The following DISC1 variants were observed in gnomAD, a reference collection of about 807,000 sequenced individuals.
DISC1 encodes the protein disrupted in schizophrenia 1 protein.
A neutral mutation model predicts 84.5 loss-of-function variants in DISC1; 57 were observed. The ratio of observed to expected loss-of-function variants is 0.67; its 90% CI spans 0.55 to 0.84. The LOEUF (loss-of-function observed/expected upper bound fraction) is 0.84, where lower values mean the gene tolerates loss of function less well. DISC1 is among the 40% of genes least tolerant of loss of function. The pLI is 0.00. For missense variants in DISC1, 1,000 were observed against 1,057.8 expected, an observed-to-expected ratio of 0.95 and a Z score of 0.76; for synonymous variants, 411 against 415.2, an observed-to-expected ratio of 0.99 and a Z score of 0.12.
intron 9 of DISC1, among the ~76,000 whole-genome samples, chr1:231,917,042 C>T (rs956575866): frequency 2.0e-5 from 3 of 152,232 alleles, no homozygotes; most frequent in East Asian, 1.9e-4. Context: ...CACCCTCTTT[C>T]GGGGTACGAC....
At chr1:231,732,937 T>C (rs1348767580) in intron 3 of DISC1, among the ~76,000 whole-genome samples, 1 of 151,982 alleles carries the variant, frequency 6.6e-6, no homozygotes, top group Non-Finnish European at 1.5e-5. Flanking sequence ...GTGGTAGTGG[T>C]GATGGTAGAA....
intron 11 of DISC1, among the ~76,000 whole-genome samples, chr1:232,012,327 A>G (rs962508613): frequency 1.3e-5 from 2 of 152,188 alleles, no homozygotes; most frequent in Admixed American, 6.5e-5. Flanking sequence ...AGTCAGAGAA[A>G]GGTTTAACGA....
chr1:231,942,008 A>G (rs899190896), intron 9 of DISC1, among the ~76,000 whole-genome samples: 1 of 151,984 alleles, frequency 6.6e-6, no homozygotes, highest in South Asian at 2.1e-4. Flanking sequence ...ATGGGGAAAG[A>G]GCTCCTGCAG....
chr1:231,684,654 T>A (rs952731268), intron 1 of DISC1: 1 of 152,164 alleles, frequency 6.6e-6, no homozygotes, highest in Non-Finnish European at 1.5e-5. Flanking sequence ...CACGTATCTA[T>A]CTCTTGTGCT....
chr1:231,964,236 G>T (rs540708686), intron 10 of DISC1, among the ~76,000 whole-genome samples: 1 of 152,238 alleles, frequency 6.6e-6, no homozygotes, highest in African/African-American at 2.4e-5. Flanking sequence ...ATGAATGATT[G>T]AATAAATATG....
chr1:231,788,145 G>A (rs1271890588), intron 6 of DISC1, among the ~76,000 whole-genome samples: 1 of 152,142 alleles, frequency 6.6e-6, no homozygotes, highest in Admixed American at 6.5e-5. Context: ...AATTAGCTGG[G>A]TGTGCTGGCG....
chr1:231,872,801 A>C (rs6668845), intron 9 of DISC1, among the ~76,000 whole-genome samples: 1 of 152,176 alleles, frequency 6.6e-6, no homozygotes, highest in South Asian at 2.1e-4. Context: ...TTTTCCATAC[A>C]TGATCTATTG....
intron 1 of DISC1, among the ~76,000 whole-genome samples, chr1:231,657,100 C>T (rs776500849): frequency 4.6e-5 from 7 of 152,182 alleles, no homozygotes; most frequent in Non-Finnish European, 7.3e-5. Flanking sequence ...TGAACATACA[C>T]ATGCATGTAT....
chr1:231,975,704 C>T (rs148104805), intron 10 of DISC1, among the ~76,000 whole-genome samples: 29 of 152,220 alleles, frequency 1.9e-4, no homozygotes, highest in African/African-American at 6.5e-4. Context: ...AGTCATTATC[C>T]GAAGTGAAAC....
At chr1:231,740,790 C>T (rs2073160282) in intron 3 of DISC1, among the ~76,000 whole-genome samples, 1 of 152,138 alleles carries the variant, frequency 6.6e-6, no homozygotes, top group Non-Finnish European at 1.5e-5. Context: ...TAACGCTATG[C>T]AAAATTTCAA....
Position 232,038,260 on chromosome 1 carries a change from G to C in DISC1, c.*1429G>C, listed in dbSNP as rs1425600893. ...ACTCAGTAAATCAGTGCAGTACTCA[G>C]TAATGCAAGGGCATTTCAGGCTCCT... On this transcript the variant is annotated 3_prime_UTR_variant, in exon 13 of 13. Transcript: ENST00000439617. 1 of 152,190 alleles carries C rather than the reference G, an allele frequency of 6.6e-6. No homozygotes were observed. The highest frequency in any genetic ancestry group is 1.5e-5 in the Non-Finnish European group (1 of 68,032). 9.4% of individuals were successfully genotyped at this position (152,190 alleles called of 1,614,324 possible).
chr1:231,977,120 A>G (rs1321739395), intron 10 of DISC1, among the ~76,000 whole-genome samples: 4 of 152,194 alleles, frequency 2.6e-5, no homozygotes, highest in African/African-American at 9.6e-5. Context: ...AGAAATTATA[A>G]TGAGCCCCAT....
chr1:231,661,743 T>C (rs924815439), intron 1 of DISC1, among the ~76,000 whole-genome samples: 1 of 152,246 alleles, frequency 6.6e-6, no homozygotes, highest in Admixed American at 6.5e-5. Context: ...AGTCTACTTC[T>C]GTCAGTTCAG....
At chr1:231,728,749 A>G (rs918079156) in intron 3 of DISC1, among the ~76,000 whole-genome samples, 5 of 152,216 alleles carry the variant, frequency 3.3e-5, no homozygotes, top group Non-Finnish European at 7.3e-5. Context: ...TCTGCATGGC[A>G]TCTGAGGAGT....
At chr1:231,760,357 A>G (rs2075549068) in intron 4 of DISC1, among the ~76,000 whole-genome samples, 1 of 152,068 alleles carries the variant, frequency 6.6e-6, no homozygotes, top group Admixed American at 6.6e-5. Flanking sequence ...CTTCTTTATC[A>G]CCATCTTCCC....
At chr1:231,693,232 G>A (rs527914568) in intron 1 of DISC1, among the ~76,000 whole-genome samples, 47 of 152,312 alleles carry the variant, frequency 3.1e-4, no homozygotes, top group African/African-American at 1.1e-3. Flanking sequence ...ATGCTGGTTT[G>A]GAGAACACAT....
At chr1:232,007,165 G>C (rs978139111) in intron 10 of DISC1, among the ~76,000 whole-genome samples, 2 of 152,318 alleles carry the variant, frequency 1.3e-5, no homozygotes, top group African/African-American at 2.4e-5. Context: ...TGCTAGAGCA[G>C]TGTGGAAGGG....
At chr1:231,935,892 A>G (rs1034453155) in intron 9 of DISC1, among the ~76,000 whole-genome samples, 5 of 152,240 alleles carry the variant, frequency 3.3e-5, no homozygotes, top group African/African-American at 1.2e-4. Context: ...TGGAAGTTAC[A>G]TGCGCATGTG....
chr1:231,760,968 G>A (rs2075606246), intron 4 of DISC1, among the ~76,000 whole-genome samples: 1 of 152,214 alleles, frequency 6.6e-6, no homozygotes, highest in Admixed American at 6.5e-5. Context: ...CCTGAAATAT[G>A]CATTCAAACA....
Sources: allele counts gnomAD v4.1 joint callset (sites outside exome capture counted in the v4.1 genomes callset), GRCh38; gene constraint gnomAD v4.1.1; transcripts MANE v1.5; gene names NCBI Gene and HGNC (gene_info 2026-07-23, HGNC 2026-07-21).